PDE7A: variants seen among roughly 807,000 people sequenced by gnomAD.
PDE7A encodes the protein high affinity 3',5'-cyclic-AMP phosphodiesterase 7A.
Under a neutral mutation model 64.3 loss-of-function variants are expected in PDE7A, and 39 were observed. That is an observed-to-expected ratio of 0.61 (90% CI 0.47 to 0.79). The LOEUF (loss-of-function observed/expected upper bound fraction) is 0.79, where lower values mean the gene tolerates loss of function less well. Ranked by LOEUF, PDE7A falls within the 30% of genes least tolerant of loss-of-function variation. PDE7A has a pLI of 0.00. For missense variants in PDE7A, 470 were observed against 582.8 expected (o/e 0.81, Z 1.99); for synonymous variants, 203 against 206.8 (o/e 0.98, Z 0.16).
intron 1 of PDE7A, among the ~76,000 whole-genome samples, chr8:65,841,146 G>A (rs1321300239): frequency 6.6e-6 from 1 of 152,232 alleles, no homozygotes; most frequent in Non-Finnish European, 1.5e-5. Context: ...GGTCTGATGA[G>A]AGGATCCCGG....
intron 1 of PDE7A, among the ~76,000 whole-genome samples, chr8:65,799,234 C>A (rs1809930648): frequency 6.6e-6 from 1 of 152,210 alleles, no homozygotes; most frequent in Middle Eastern, 3.4e-3. Context: ...CCTCAAAAAA[C>A]TGAATTTCAG....
chr8:65,801,321 T>C (rs1224291272), intron 1 of PDE7A, among the ~76,000 whole-genome samples: 3 of 152,198 alleles, frequency 2.0e-5, no homozygotes, highest in South Asian at 2.1e-4. Flanking sequence ...TGCTGGAAGA[T>C]ATTGAAAATA....
intron 3 of PDE7A, among the ~76,000 whole-genome samples, chr8:65,771,848 C>T (rs1235134352): frequency 1.5e-5 from 2 of 132,876 alleles, no homozygotes; most frequent in African/African-American, 6.0e-5. Context: ...GCACTCCAGC[C>T]TGGGCAACAG....
At chr8:65,789,953 G>C (rs1295856205) in intron 1 of PDE7A, among the ~76,000 whole-genome samples, 1 of 152,238 alleles carries the variant, frequency 6.6e-6, no homozygotes, top group Non-Finnish European at 1.5e-5. Context: ...AATTGCAACT[G>C]TAACAAATGC....
intron 1 of PDE7A, among the ~76,000 whole-genome samples, chr8:65,794,766 G>A (rs1046366215): frequency 2.0e-5 from 3 of 152,182 alleles, no homozygotes; most frequent in Non-Finnish European, 4.4e-5. Context: ...ATGTGAATGA[G>A]ACACAGTCCT....
chr8:65,789,054 G>C (rs1254280197), intron 1 of PDE7A: 5 of 1,469,292 alleles, frequency 3.4e-6, no homozygotes, highest in Admixed American at 2.1e-5. Flanking sequence ...AGGGGACACT[G>C]ACTGCCTTGG....
intron 10 of PDE7A, among the ~76,000 whole-genome samples, 162 bp from the exon 11 acceptor site, chr8:65,724,513 A>G (rs1031411129): frequency 6.6e-6 from 1 of 152,172 alleles, no homozygotes; most frequent in Non-Finnish European, 1.5e-5. Context: ...ATAAAATGCT[A>G]TTTCTTAATT....
At chr8:65,779,657 C>T in intron 3 of PDE7A, 63 bp downstream of exon 3, 1 of 833,390 alleles carries the variant, frequency 1.2e-6, no homozygotes, top group South Asian at 1.7e-5. Context: ...CCTTGGAAAA[C>T]TGTGTAATTT....
At chr8:65,785,475 A>C (rs553927623) in intron 1 of PDE7A, among the ~76,000 whole-genome samples, 1 of 152,272 alleles carries the variant, frequency 6.6e-6, no homozygotes, top group East Asian at 1.9e-4. Flanking sequence ...TATCCTAAGG[A>C]AGCCTCCTGC....
At chr8:65,808,869 A>G (rs1466929077) in intron 1 of PDE7A, among the ~76,000 whole-genome samples, 5 of 152,222 alleles carry the variant, frequency 3.3e-5, no homozygotes, top group East Asian at 1.9e-4. Context: ...TTTATAATAC[A>G]AAGTTATAAA....
intron 3 of PDE7A, among the ~76,000 whole-genome samples, chr8:65,772,849 CA>C (rs1004522272): frequency 1.3e-5 from 2 of 150,796 alleles, no homozygotes; most frequent in Admixed American, 6.6e-5. Flanking sequence ...AATAAAAATA[CA>C]AAAAAAAATT....
intron 4 of PDE7A, among the ~76,000 whole-genome samples, chr8:65,747,381 A>G (rs1380229522): frequency 6.6e-6 from 1 of 152,324 alleles, no homozygotes; most frequent in East Asian, 1.9e-4. Flanking sequence ...GAGATCTTAT[A>G]GTTTAATGTT....
At chr8:65,765,854 CATT>C (rs1315522178) in intron 3 of PDE7A, among the ~76,000 whole-genome samples, 2 of 152,158 alleles carry the variant, frequency 1.3e-5, no homozygotes, top group African/African-American at 2.4e-5. Context: ...ATGTTTAAGA[CATT>C]AGTATCTCTT....
At chr8:65,799,392 G>C (rs1332574040) in intron 1 of PDE7A, among the ~76,000 whole-genome samples, 4 of 152,072 alleles carry the variant, frequency 2.6e-5, no homozygotes, top group African/African-American at 9.7e-5. Flanking sequence ...AGTCTGAATT[G>C]CATGCAAAGA....
intron 3 of PDE7A, among the ~76,000 whole-genome samples, chr8:65,754,116 G>C (rs1808101604): frequency 6.6e-6 from 1 of 152,114 alleles, no homozygotes; most frequent in Admixed American, 6.5e-5. Flanking sequence ...TGAAGAACTT[G>C]GGAGTCTGAT....
In PDE7A at chr8:65,716,653, A is replaced by G. The variant is rs987634736; in HGVS notation, c.*2637T>C. 6.6e-6 allele frequency among the ~76,000 whole-genome samples: 1 copy of G among 152,192 alleles called. No individual in the cohort carries two copies. The highest frequency in any genetic ancestry group is 1.5e-5 in the Non-Finnish European group (1 of 68,036). Reference sequence around the variant, plus strand: ...AAGATTTGCCTAAAGGGAGAGAATAATTGATAGTTACATTTCTCACTGTAA... The same window carrying G: ...AAGATTTGCCTAAAGGGAGAGAATAGTTGATAGTTACATTTCTCACTGTAA... On this transcript the variant is annotated 3_prime_UTR_variant, in exon 13 of 13. Coordinates refer to ENST00000401827, the MANE Select transcript of PDE7A (RefSeq NM_001242318.3).
chr8:65,718,917 C>T lies in PDE7A; in HGVS notation c.*373G>A. The T allele has an allele frequency of 3.8e-6, 1 of 263,924 alleles. No individual in the cohort carries two copies. Among genetic ancestry groups the T allele is most frequent in the East Asian group, 8.3e-5 (1 of 11,988 alleles). The allele number at this position is 263,924 out of a possible 1,614,324, so 16.3% of individuals were successfully genotyped here. ...GGAAGGTACAAGATACACATTGTTG[C>T]ATCAGACTGGTTAAATTCCAAGAGA... On this transcript the variant is annotated 3_prime_UTR_variant, in exon 13 of 13. Transcript: ENST00000401827.
At chr8:65,721,072 T>A (rs1806357115) in intron 12 of PDE7A, among the ~76,000 whole-genome samples, 1 of 152,158 alleles carries the variant, frequency 6.6e-6, no homozygotes, top group Non-Finnish European at 1.5e-5. Context: ...AGGTTTTAAA[T>A]ACCTGATAAA....
At position 65,747,634 on chromosome 8, in the gene PDE7A, TA is replaced by T. The variant is rs529267967; in HGVS notation, c.435+17del. 32 of 1,545,812 alleles carry T rather than the reference TA, an allele frequency of 2.1e-5. No homozygotes were observed. The highest frequency in any genetic ancestry group is 2.6e-5 in the Non-Finnish European group (29 of 1,134,868). ...ACTTATCAAAAAATTAATGTTTTCT[TA>T]AAAAAACTATACACACCTTGGCTTG... On this transcript the variant is annotated intron_variant, in intron 4 of 12. Transcript: ENST00000401827.
Sources: gnomAD v4.1 joint callset for allele counts (sites outside exome capture counted in the v4.1 genomes callset) on GRCh38, gnomAD v4.1.1 for gene constraint, MANE v1.5 for transcripts, NCBI Gene and HGNC (gene_info 2026-07-23, HGNC 2026-07-21) for gene names.